Variants in ARID1B observed in about 807,000 individuals in gnomAD.
The protein encoded by ARID1B is AT-rich interaction domain 1B.
ARID1B carries 30 observed loss-of-function variants against 212.3 expected under a neutral mutation model. The ratio of observed to expected loss-of-function variants is 0.14; its 90% CI spans 0.11 to 0.19. The LOEUF is 0.19. Among genes scored for constraint, ARID1B ranks in the 10% least tolerant of loss-of-function variants. The probability of loss-of-function intolerance (pLI) is 1.00; values close to 1 mark genes in which losing one functional copy is unlikely to be tolerated. For synonymous variants in ARID1B, 1,402 were observed against 1,301.7 expected (o/e 1.08, Z -1.66); for missense variants, 2,891 against 3,204.0 (o/e 0.90, Z 2.36).
chr6:156,853,376 A>T (rs1464076290), intron 2 of ARID1B, among the ~76,000 whole-genome samples: 1 of 152,210 alleles, frequency 6.6e-6, no homozygotes, highest in African/African-American at 2.4e-5. Context: ...ATGAAAATGG[A>T]TCCTAATGGT....
chr6:157,037,431 G>A lies in ARID1B; in HGVS notation c.2248-47231G>A, dbSNP rs1295315674. Among the ~76,000 whole-genome samples, 3 of 152,174 alleles carry A rather than the reference G, an allele frequency of 2.0e-5. No homozygotes were observed. The East Asian group carries it at 5.8e-4, about 29-fold the overall frequency. On this transcript the variant is annotated intron_variant, in intron 4 of 19. Transcript: ENST00000636930. ...ACATGCCAGAGGCTGCGAGTCGGGT[G>A]GAGTGGAGAATGGGAAGGCTTTCTA...
intron 4 of ARID1B, among the ~76,000 whole-genome samples, chr6:156,997,764 C>A (rs74369744): frequency 2.6e-5 from 4 of 151,490 alleles, no homozygotes; most frequent in Non-Finnish European, 5.9e-5. Flanking sequence ...TAAAGGAATG[C>A]ATTTGAATAT....
At chr6:157,204,834 T>A (rs945400303) in intron 19 of ARID1B, 1 of 152,228 alleles carries the variant, frequency 6.6e-6, no homozygotes, top group Non-Finnish European at 1.5e-5. Flanking sequence ...CTCTCTACTT[T>A]GAGTGCAAAA....
intron 4 of ARID1B, among the ~76,000 whole-genome samples, chr6:157,020,776 A>G (rs1299582240): frequency 6.6e-6 from 1 of 152,196 alleles, no homozygotes; most frequent in Admixed American, 6.5e-5. Flanking sequence ...ACTCTTGGTC[A>G]TAACTCAATA....
chr6:156,959,932 T>C (rs770817269), intron 4 of ARID1B, among the ~76,000 whole-genome samples: 5,358 of 148,078 alleles, frequency 0.036, 136 homozygotes, highest in African/African-American at 0.07. Context: ...CTTCTTTTTT[T>C]TTTTTTTTTT....
chr6:157,113,995 T>C (rs1413124142), intron 6 of ARID1B, among the ~76,000 whole-genome samples: 3 of 152,170 alleles, frequency 2.0e-5, no homozygotes, highest in East Asian at 3.9e-4. Context: ...TTTGGCACAA[T>C]AATAGAAACA....
intron 7 of ARID1B, among the ~76,000 whole-genome samples, chr6:157,145,168 G>A (rs1227532759): frequency 6.6e-6 from 1 of 152,192 alleles, no homozygotes; most frequent in East Asian, 1.9e-4. Flanking sequence ...GACTAAGGAA[G>A]CTGCTGACTT....
chr6:157,196,360 G>T, intron 16 of ARID1B, 45 bp downstream of exon 16: 3 of 1,569,232 alleles, frequency 1.9e-6, no homozygotes, highest in Middle Eastern at 3.4e-4. Flanking sequence ...ACTAGAAACC[G>T]TGCTTTCCTC....
intron 4 of ARID1B, among the ~76,000 whole-genome samples, chr6:156,959,313 C>T (rs1794193468): frequency 6.6e-6 from 1 of 152,170 alleles, no homozygotes; most frequent in Admixed American, 6.5e-5. Context: ...CTACCATCCT[C>T]CTACATACTT....
chr6:156,796,263 T>TA (rs1288497555), intron 1 of ARID1B, among the ~76,000 whole-genome samples: 3 of 152,234 alleles, frequency 2.0e-5, no homozygotes, highest in Non-Finnish European at 4.4e-5. Context: ...TTTTTCAAGT[T>TA]AAAGCTGACT....
At chr6:156,971,787 C>T (rs1776946885) in intron 4 of ARID1B, among the ~76,000 whole-genome samples, 2 of 152,168 alleles carry the variant, frequency 1.3e-5, no homozygotes, top group Admixed American at 1.3e-4. Flanking sequence ...TCTCTGATCC[C>T]TCTTTAAGGA....
intron 13 of ARID1B, chr6:157,186,199 G>A (rs142893455): frequency 0.04 from 13,272 of 327,962 alleles, 648 homozygotes; most frequent in South Asian, 0.15. Context: ...CTGCTGAGGC[G>A]TATAGATCCT....
Position 157,190,272 on chromosome 6 carries a change from C to T in ARID1B, c.4231+62C>T. On this transcript the variant is annotated intron_variant, in intron 15 of 19. Transcript: ENST00000636930. This position sits in a 1 kb window ranked among gnomAD's most constrained non-coding sequence, Gnocchi z 4.6. Reference sequence around the variant, plus strand: ...GTGGGCATTCTACTCTCTGCCGTTCCACAACAGTTCACCTTTCACTCAGAA... The same window carrying T: ...GTGGGCATTCTACTCTCTGCCGTTCTACAACAGTTCACCTTTCACTCAGAA... 1 of 1,516,640 alleles carries T rather than the reference C, an allele frequency of 6.6e-7. No individual in the cohort carries two copies. The highest frequency in any genetic ancestry group is 2.3e-5 in the East Asian group (1 of 44,230). 93.9% of individuals were successfully genotyped at this position (1,516,640 alleles called of 1,614,324 possible).
At chr6:157,146,560 CTTTG>C (rs927922670) in intron 7 of ARID1B, among the ~76,000 whole-genome samples, 2 of 152,192 alleles carry the variant, frequency 1.3e-5, no homozygotes, top group African/African-American at 2.4e-5. Flanking sequence ...ACATTGCATG[CTTTG>C]TTTTGCTTTT....
chr6:156,861,373 G>A (rs1034488307), intron 2 of ARID1B, among the ~76,000 whole-genome samples: 1 of 152,146 alleles, frequency 6.6e-6, no homozygotes, highest in Non-Finnish European at 1.5e-5. Context: ...GGCTGATGCC[G>A]GTGAATTGCT....
At chr6:156,804,596 G>A (rs939342644) in intron 1 of ARID1B, among the ~76,000 whole-genome samples, 1 of 152,048 alleles carries the variant, frequency 6.6e-6, no homozygotes, top group Admixed American at 6.5e-5. Context: ...AGTGCCCAGC[G>A]AAGGGGGAAG....
At chr6:156,993,932 G>A (rs1197861539) in intron 4 of ARID1B, among the ~76,000 whole-genome samples, 1 of 152,146 alleles carries the variant, frequency 6.6e-6, no homozygotes, top group Non-Finnish European at 1.5e-5. Context: ...TAAATATCAA[G>A]TGGCACTTAT....
At chr6:157,198,148 A>T (rs1000906828) in intron 16 of ARID1B, among the ~76,000 whole-genome samples, 1 of 152,182 alleles carries the variant, frequency 6.6e-6, no homozygotes, top group African/African-American at 2.4e-5. Context: ...TGAAAAATGA[A>T]TGTATTATTC....
At chr6:156,923,799 C>G (rs1042618282) in intron 3 of ARID1B, among the ~76,000 whole-genome samples, 1 of 151,754 alleles carries the variant, frequency 6.6e-6, no homozygotes, top group Non-Finnish European at 1.5e-5. Flanking sequence ...CTGCCTTCTC[C>G]CAGGTTCAAG....
Sources: allele counts gnomAD v4.1 joint callset (sites outside exome capture counted in the v4.1 genomes callset), GRCh38; gene constraint gnomAD v4.1.1; non-coding constraint Gnocchi (gnomAD v3.1); transcripts MANE v1.5; gene names NCBI Gene and HGNC (gene_info 2026-07-23, HGNC 2026-07-21).